Variants in NVL observed in about 807,000 individuals in gnomAD.
NVL encodes nuclear VCP like.
NVL carries 84 observed loss-of-function variants against 110.2 expected under a neutral mutation model. That is an observed-to-expected ratio of 0.76 (90% CI 0.64 to 0.91). The LOEUF is 0.91. Ranked by LOEUF, NVL falls within the 40% of genes least tolerant of loss-of-function variation. NVL has a pLI of 0.00. For missense variants in NVL, 882 were observed against 1,035.9 expected (o/e 0.85, Z 2.04); for synonymous variants, 354 against 361.1 (o/e 0.98, Z 0.22).
At chr1:224,290,733 C>T (rs1173667910) in intron 12 of NVL, among the ~76,000 whole-genome samples, 1 of 146,338 alleles carries the variant, frequency 6.8e-6, no homozygotes, top group Non-Finnish European at 1.5e-5. Flanking sequence ...ACCTGGGAGG[C>T]GGAGCTTGCA....
chr1:224,260,630 C>T (rs1663861439), intron 18 of NVL, among the ~76,000 whole-genome samples: 1 of 151,870 alleles, frequency 6.6e-6, no homozygotes, highest in Admixed American at 6.6e-5. Flanking sequence ...TATAAAAGTG[C>T]AGAATGAATC....
At chr1:224,305,303 C>T in intron 6 of NVL, 137 bp from the exon 7 acceptor site, 7 of 745,374 alleles carry the variant, frequency 9.4e-6, no homozygotes, top group Non-Finnish European at 1.5e-5. Context: ...TTCCCAATCT[C>T]TTTGCTCAAA....
intron 12 of NVL, among the ~76,000 whole-genome samples, chr1:224,292,058 A>G (rs967756480): frequency 3.3e-5 from 5 of 152,204 alleles, no homozygotes; most frequent in Admixed American, 3.3e-4. Context: ...GTAAGACACT[A>G]AATTTTGGTG....
intron 15 of NVL, among the ~76,000 whole-genome samples, chr1:224,282,847 A>T (rs553260955): frequency 1.4e-4 from 22 of 152,350 alleles, no homozygotes; most frequent in Admixed American, 1.0e-3. Context: ...GTGCCAAGAA[A>T]AATTGTATTA....
At chr1:224,271,599 C>T (rs1364990852) in intron 17 of NVL, among the ~76,000 whole-genome samples, 3 of 151,980 alleles carry the variant, frequency 2.0e-5, no homozygotes, top group East Asian at 1.9e-4. Context: ...TTAGCAGTCT[C>T]GTAATAACCT....
chr1:224,299,513 T>C (rs923206165), intron 10 of NVL, among the ~76,000 whole-genome samples: 4 of 152,222 alleles, frequency 2.6e-5, no homozygotes, highest in African/African-American at 9.6e-5. Flanking sequence ...TGTGAGGTAC[T>C]GTACTGGCTC....
intron 18 of NVL, among the ~76,000 whole-genome samples, chr1:224,253,681 C>T (rs1043723081): frequency 1.4e-5 from 2 of 143,964 alleles, no homozygotes; most frequent in Non-Finnish European, 1.5e-5. Context: ...TGCAGTGAGC[C>T]GAGATCAGGC....
At chr1:224,258,870 T>C (rs188541224) in intron 18 of NVL, among the ~76,000 whole-genome samples, 19 of 150,726 alleles carry the variant, frequency 1.3e-4, no homozygotes, top group Admixed American at 9.4e-4. Context: ...TGATGGCCAG[T>C]AGCGACACAT....
chr1:224,303,706 A>G lies in NVL; in HGVS notation c.960+17T>C. ...CAACAAAAACAGCAAAAGCAAACAA[A>G]TGTCAGCAAGCCTCACCCCAGCAAT... On this transcript the variant is annotated intron_variant, in intron 9 of 22. Transcript: ENST00000281701. 1 of 1,593,838 alleles carries G rather than the reference A, an allele frequency of 6.3e-7. No individual in the cohort carries two copies. The highest frequency in any genetic ancestry group is 8.5e-7 in the Non-Finnish European group (1 of 1,170,938).
chr1:224,298,286 C>T, intron 10 of NVL: 1 of 286,292 alleles, frequency 3.5e-6, no homozygotes, highest in Non-Finnish European at 6.7e-6. Context: ...AGGAATGTCC[C>T]ACAAGTGTTA....
In NVL at chr1:224,272,282, T is replaced by C. The variant is rs567368282; in HGVS notation, c.2082+3057A>G. 4.6e-5 allele frequency among the ~76,000 whole-genome samples: 7 copies of C among 151,056 alleles called. No individual in the cohort carries two copies. The South Asian group carries it at 1.0e-3, about 23-fold the overall frequency. On this transcript the variant is annotated intron_variant, in intron 17 of 22. Coordinates refer to ENST00000281701, the MANE Select transcript of NVL (RefSeq NM_002533.4). ...ATCGCTTGAACCCAGGAGGCAGAAGTTGCGAAGAGCTGAGATCGCGCCACT... is the reference window on the plus strand; with the variant it reads ...ATCGCTTGAACCCAGGAGGCAGAAGCTGCGAAGAGCTGAGATCGCGCCACT...
chr1:224,271,786 G>A (rs749997340), intron 17 of NVL, among the ~76,000 whole-genome samples: 5 of 152,136 alleles, frequency 3.3e-5, no homozygotes, highest in Admixed American at 6.5e-5. Flanking sequence ...GCCGAGGCGG[G>A]CAGATCACGA....
At chr1:224,255,413 C>T (rs1404761711) in intron 18 of NVL, among the ~76,000 whole-genome samples, 4 of 151,112 alleles carry the variant, frequency 2.6e-5, no homozygotes, top group East Asian at 2.0e-4. Context: ...AGGTTGGTCT[C>T]GATCTCCTGA....
chr1:224,320,503 C>T (rs1670534980), intron 2 of NVL, among the ~76,000 whole-genome samples: 1 of 152,084 alleles, frequency 6.6e-6, no homozygotes, highest in Non-Finnish European at 1.5e-5. Context: ...AAAAATCAGC[C>T]AGGCATGGTG....
At chr1:224,242,949 C>T (rs778645241) in intron 19 of NVL, among the ~76,000 whole-genome samples, 3 of 151,354 alleles carry the variant, frequency 2.0e-5, no homozygotes, top group East Asian at 1.9e-4. Flanking sequence ...CTCAGCCTCC[C>T]GAGTAGCTGG....
intron 20 of NVL, among the ~76,000 whole-genome samples, chr1:224,235,860 G>A (rs544678949): frequency 1.3e-5 from 2 of 150,674 alleles, no homozygotes; most frequent in South Asian, 4.2e-4. Flanking sequence ...TTGAGCCCAG[G>A]AAGTCAAGGC....
At chr1:224,250,742 T>C (rs1662380119) in intron 18 of NVL, among the ~76,000 whole-genome samples, 1 of 152,124 alleles carries the variant, frequency 6.6e-6, no homozygotes, top group Admixed American at 6.6e-5. Flanking sequence ...TCCACAAAAG[T>C]CCACTGTATC....
chr1:224,303,798 G>A lies in NVL; in HGVS notation c.885C>T (p.Val295=), dbSNP rs772291326. ...GAAGGAGAACTCCACGAGGGGGCAC[G>A]ACGCCCAGGTGGTGGTACACCTCCG... ...RHPEVYHHLG[V]VPPRGVLLHG... The change falls in exon 9 of 23, where the codon GTC becomes GTT. Residue 295 remains valine, a synonymous_variant. Coordinates refer to ENST00000281701, the MANE Select transcript of NVL (RefSeq NM_002533.4). 14 of 1,613,562 alleles carry A rather than the reference G, an allele frequency of 8.7e-6. 1 individual carries two copies. Among genetic ancestry groups the A allele is most frequent in the Middle Eastern group, 1.6e-4 (1 of 6,080 alleles).
chr1:224,327,040 G>T (rs997502303), intron 1 of NVL, among the ~76,000 whole-genome samples: 18 of 152,142 alleles, frequency 1.2e-4, no homozygotes, highest in African/African-American at 4.3e-4. Context: ...CATTTTGGGA[G>T]GCCAAGGTGG....
Sources: allele counts gnomAD v4.1 joint callset (sites outside exome capture counted in the v4.1 genomes callset), GRCh38; gene constraint gnomAD v4.1.1; transcripts MANE v1.5; gene names NCBI Gene and HGNC (gene_info 2026-07-23, HGNC 2026-07-21).